The following KIAA1217 variants were observed in gnomAD, a reference collection of about 807,000 sequenced individuals.
KIAA1217 encodes KIAA1217.
KIAA1217 carries 88 observed loss-of-function variants against 163.9 expected under a neutral mutation model. That is an observed-to-expected ratio of 0.54 (90% CI 0.45 to 0.64). The LOEUF (loss-of-function observed/expected upper bound fraction) is 0.64. KIAA1217 is among the 30% of genes least tolerant of loss of function. The pLI is 0.00. For missense variants in KIAA1217, 2,372 were observed against 2,475.0 expected (o/e 0.96, Z 0.88); for synonymous variants, 903 against 923.1 (o/e 0.98, Z 0.39).
At chr10:24,275,895 T>A in intron 2 of KIAA1217, 1 of 435,840 alleles carries the variant, frequency 2.3e-6, no homozygotes, top group Non-Finnish European at 4.6e-6. Flanking sequence ...AGTTCTCCCT[T>A]CTGGTCCTGA....
At chr10:23,834,274 C>A (rs946119448) in intron 1 of KIAA1217, among the ~76,000 whole-genome samples, 1 of 152,120 alleles carries the variant, frequency 6.6e-6, no homozygotes, top group Admixed American at 6.6e-5. Context: ...GTTGCCCTTC[C>A]ACTTTGGCTC....
At chr10:24,098,286 G>A (rs1263655961) in intron 2 of KIAA1217, among the ~76,000 whole-genome samples, 1 of 152,058 alleles carries the variant, frequency 6.6e-6, no homozygotes, top group African/African-American at 2.4e-5. Context: ...CCTAACTGTG[G>A]AGGAGATACA....
intron 2 of KIAA1217, among the ~76,000 whole-genome samples, chr10:24,123,213 A>G (rs2063349151): frequency 6.6e-6 from 1 of 151,668 alleles, no homozygotes; most frequent in East Asian, 1.9e-4. Flanking sequence ...TTGTGGTTAT[A>G]CTACTGTTTA....
chr10:24,211,361 CTTTT>C (rs1201397959), intron 1 of KIAA1217, among the ~76,000 whole-genome samples: 1 of 60,208 alleles, frequency 1.7e-5, no homozygotes, highest in African/African-American at 6.5e-5. Context: ...GGTGGGACTA[CTTTT>C]TTTTTTTTTT....
At chr10:24,521,468 C>G (rs2071267031) in intron 11 of KIAA1217, among the ~76,000 whole-genome samples, 1 of 152,186 alleles carries the variant, frequency 6.6e-6, no homozygotes, top group Admixed American at 6.5e-5. Flanking sequence ...GATCATGCCA[C>G]TGCACTCCAG....
chr10:24,173,360 T>C (rs560862375), intron 2 of KIAA1217, among the ~76,000 whole-genome samples: 239 of 152,192 alleles, frequency 1.6e-3, no homozygotes, highest in Non-Finnish European at 2.3e-3. Context: ...TATATTACAA[T>C]GTAATAATAA....
chr10:23,724,539 AT>A lies in KIAA1217; in HGVS notation c.-321+29310del, dbSNP rs1181364354. 1.3e-5 allele frequency among the ~76,000 whole-genome samples: 2 copies of A among 152,056 alleles called. 1 individual carries two copies. Among genetic ancestry groups the A allele is most frequent in the South Asian group, 4.1e-4 (2 of 4,830 alleles). On this transcript the variant is annotated intron_variant, in intron 1 of 18. Transcript: ENST00000376462. ...CAAGGTATTTTTACAATGGTGTTAG[AT>A]TTTTCAGTAGTGGGAGATAATGTTA...
At chr10:23,962,883 G>A (rs1035028932) in intron 1 of KIAA1217, among the ~76,000 whole-genome samples, 2 of 152,110 alleles carry the variant, frequency 1.3e-5, no homozygotes, top group African/African-American at 4.8e-5. Flanking sequence ...TAATCAGGCA[G>A]AGCATACAGG....
intron 1 of KIAA1217, among the ~76,000 whole-genome samples, chr10:23,716,269 AC>A (rs1350198537): frequency 6.6e-6 from 1 of 152,106 alleles, no homozygotes; most frequent in East Asian, 1.9e-4. Flanking sequence ...TCTATCTAAA[AC>A]CAAGCTCTGA....
At chr10:24,483,636 CCA>C (rs1254538974) in intron 6 of KIAA1217, among the ~76,000 whole-genome samples, 3 of 152,120 alleles carry the variant, frequency 2.0e-5, no homozygotes, top group African/African-American at 7.2e-5. Flanking sequence ...GAGTTCATTT[CCA>C]CAGTCACCAT....
intron 1 of KIAA1217, among the ~76,000 whole-genome samples, chr10:23,899,106 C>T (rs1336774756): frequency 1.3e-5 from 2 of 152,030 alleles, no homozygotes; most frequent in Non-Finnish European, 2.9e-5. Flanking sequence ...TGGTTTGTTT[C>T]CTCTATAATC....
intron 2 of KIAA1217, among the ~76,000 whole-genome samples, chr10:24,261,767 G>A (rs1403806440): frequency 6.6e-6 from 1 of 152,168 alleles, no homozygotes; most frequent in Non-Finnish European, 1.5e-5. Flanking sequence ...GGTCACTGAT[G>A]ACTGGGAAGA....
intron 2 of KIAA1217, among the ~76,000 whole-genome samples, chr10:24,088,137 G>T (rs2061769638): frequency 8.2e-6 from 1 of 122,160 alleles, no homozygotes; most frequent in African/African-American, 2.5e-5. Flanking sequence ...CTTTTTTCAT[G>T]CAGAAGAAGC....
At chr10:24,132,277 AG>A (rs375517060) in intron 2 of KIAA1217, among the ~76,000 whole-genome samples, 5 of 152,320 alleles carry the variant, frequency 3.3e-5, no homozygotes, top group South Asian at 2.1e-4. Context: ...AAAGACGAAA[AG>A]AAAATAGGAT....
chr10:24,313,926 A>C (rs12257461), intron 2 of KIAA1217, among the ~76,000 whole-genome samples: 1 of 136,612 alleles, frequency 7.3e-6, no homozygotes, highest in Non-Finnish European at 1.5e-5. Context: ...TGCAACTTCC[A>C]CCTCCCGGGC....
intron 1 of KIAA1217, among the ~76,000 whole-genome samples, chr10:23,977,301 G>T (rs1457664452): frequency 6.6e-6 from 1 of 152,166 alleles, no homozygotes; most frequent in Admixed American, 6.5e-5. Flanking sequence ...ATAACCTGAA[G>T]TTTCTAAAAC....
At chr10:24,313,590 C>T (rs747991545) in intron 2 of KIAA1217, among the ~76,000 whole-genome samples, 27 of 152,158 alleles carry the variant, frequency 1.8e-4, no homozygotes, top group Non-Finnish European at 3.1e-4. Flanking sequence ...TATTTTCACG[C>T]GGGATGTCCT....
At chr10:24,544,831 T>C in intron 19 of KIAA1217, 150 bp from the exon 20 acceptor site, 1 of 814,158 alleles carries the variant, frequency 1.2e-6, no homozygotes, top group Non-Finnish European at 2.0e-6. Flanking sequence ...ATTCTTCTGA[T>C]TAACCCCAGT....
At chr10:24,069,064 C>G (rs1052950975) in intron 2 of KIAA1217, among the ~76,000 whole-genome samples, 10 of 152,164 alleles carry the variant, frequency 6.6e-5, no homozygotes, top group African/African-American at 2.4e-4. Flanking sequence ...CAGGGAAAAA[C>G]TAGGAGCTGA....
Sources: allele counts gnomAD v4.1 joint callset (sites outside exome capture counted in the v4.1 genomes callset), GRCh38; gene constraint gnomAD v4.1.1; transcripts MANE v1.5; gene names NCBI Gene and HGNC (gene_info 2026-07-23, HGNC 2026-07-21).